FAM107A: variants seen among roughly 807,000 people sequenced by gnomAD.
FAM107A encodes actin-associated protein FAM107A.
FAM107A carries 19 observed loss-of-function variants against 13.7 expected under a neutral mutation model. The ratio of observed to expected loss-of-function variants is 1.38; its 90% confidence interval spans 0.97 to 2.03. The LOEUF (loss-of-function observed/expected upper bound fraction) is 2.03, where lower values mean the gene tolerates loss of function less well. FAM107A is among the 30% of genes most tolerant of loss of function. The probability of loss-of-function intolerance (pLI) is 0.00; values close to 1 mark genes in which losing one functional copy is unlikely to be tolerated. For synonymous variants in FAM107A, 82 were observed against 74.5 expected, an observed-to-expected ratio of 1.10 and a Z score of -0.52; for missense variants, 203 against 184.4, an observed-to-expected ratio of 1.10 and a Z score of -0.58.
chr3:58,570,350 G>C, intron 1 of FAM107A: 2 of 982,676 alleles, frequency 2.0e-6, no homozygotes, highest in Non-Finnish European at 2.4e-6. Flanking sequence ...TCTATCCACA[G>C]TTCCACAACT....
At chr3:58,588,007 C>T (rs985471601), upstream of FAM107A, among the ~76,000 whole-genome samples, 11 of 152,086 alleles carry the variant, frequency 7.2e-5, no homozygotes, top group Admixed American at 1.3e-4. Context: ...GCAGGTGGTC[C>T]GACTACAGAC....
chr3:58,626,336 C>T (rs1575461719), intron 1 of FAM107A, among the ~76,000 whole-genome samples: 1 of 152,202 alleles, frequency 6.6e-6, no homozygotes, highest in African/African-American at 2.4e-5. Flanking sequence ...AGAAACAGTT[C>T]TCAGGCAATG....
At chr3:58,608,516 T>TC (rs1474627942) in intron 1 of FAM107A, among the ~76,000 whole-genome samples, 4 of 152,248 alleles carry the variant, frequency 2.6e-5, no homozygotes, top group Non-Finnish European at 4.4e-5. Flanking sequence ...GCCAGGCAGC[T>TC]CCCCTGGACC....
intron 1 of FAM107A, among the ~76,000 whole-genome samples, chr3:58,575,352 C>T (rs192864560): frequency 6.6e-5 from 10 of 152,250 alleles, no homozygotes; most frequent in Admixed American, 2.6e-4. Context: ...CTTAGCCCAG[C>T]GCCTGGCAGA....
chr3:58,612,077 C>G (rs772443751), intron 1 of FAM107A, among the ~76,000 whole-genome samples: 2 of 152,040 alleles, frequency 1.3e-5, no homozygotes, highest in Non-Finnish European at 2.9e-5. Context: ...TACATGTCCT[C>G]ACATACACAT....
chr3:58,566,501 C>T lies in FAM107A; in HGVS notation c.*87G>A. 2 of 882,964 alleles carry T rather than the reference C, an allele frequency of 2.3e-6. No homozygotes were observed. The highest frequency in any genetic ancestry group is 3.7e-6 in the Non-Finnish European group (2 of 539,154). 54.7% of individuals were successfully genotyped at this position (882,964 alleles called of 1,614,324 possible). A position where few individuals can be genotyped will look rare whatever the true frequency, so the allele number is the denominator to read the frequency against. On this transcript the variant is annotated 3_prime_UTR_variant, in exon 4 of 4. Coordinates refer to ENST00000360997, the MANE Select transcript of FAM107A (RefSeq NM_001076778.3). The stretch of plus-strand genomic sequence containing the variant: ...TGGGAACATCACAGACGTCCCAGGG[C>T]CTGGGGCCCAGGGCTGCCAGGTACA...
At chr3:58,589,333 A>G (rs1344124262), upstream of FAM107A, 1 of 1,056,062 alleles carries the variant, frequency 9.5e-7, no homozygotes, top group African/African-American at 1.6e-5. Context: ...GGGAGGGGTG[A>G]TATATTCACA....
chr3:58,622,449 G>GC (rs34536277), intron 1 of FAM107A, among the ~76,000 whole-genome samples: 41 of 151,788 alleles, frequency 2.7e-4, no homozygotes, highest in African/African-American at 3.4e-4. Context: ...CTACCCCTAT[G>GC]CCCCCCCCAA....
chr3:58,581,343 T>C (rs1428308421), upstream of FAM107A, among the ~76,000 whole-genome samples: 1 of 152,176 alleles, frequency 6.6e-6, no homozygotes, highest in African/African-American at 2.4e-5. Flanking sequence ...TTTTCCTGCA[T>C]CTATAGTGGG....
At chr3:58,588,316 G>A (rs767770507), upstream of FAM107A, among the ~76,000 whole-genome samples, 12 of 152,306 alleles carry the variant, frequency 7.9e-5, no homozygotes, top group African/African-American at 1.9e-4. Context: ...CTCCCTTTGC[G>A]GCCTGTTACC....
chr3:58,618,623 A>G (rs1048796380), intron 1 of FAM107A, among the ~76,000 whole-genome samples: 1 of 152,258 alleles, frequency 6.6e-6, no homozygotes, highest in African/African-American at 2.4e-5. Flanking sequence ...ATTTAAAAAG[A>G]ATTAAAATAA....
At chr3:58,619,565 T>G (rs1014435425) in intron 1 of FAM107A, among the ~76,000 whole-genome samples, 26 of 152,200 alleles carry the variant, frequency 1.7e-4, no homozygotes, top group African/African-American at 5.8e-4. Flanking sequence ...CTGACCTGAT[T>G]AATCCTTCTT....
At chr3:58,591,777 C>G (rs758301433), upstream of FAM107A, among the ~76,000 whole-genome samples, 4 of 152,208 alleles carry the variant, frequency 2.6e-5, no homozygotes, top group Non-Finnish European at 5.9e-5. The surrounding 1 kb of genome is among the most constrained non-coding windows in gnomAD (Gnocchi z 4.3). Context: ...CTTCACCATA[C>G]TGTACTCGCC....
At chr3:58,589,922 C>T (rs927756722), upstream of FAM107A, among the ~76,000 whole-genome samples, 1 of 152,192 alleles carries the variant, frequency 6.6e-6, no homozygotes, top group African/African-American at 2.4e-5. Context: ...TTGGCCTGGA[C>T]TGCCTTCTTC....
At chr3:58,623,086 A>C (rs2065974093) in intron 1 of FAM107A, among the ~76,000 whole-genome samples, 1 of 152,212 alleles carries the variant, frequency 6.6e-6, no homozygotes, top group African/African-American at 2.4e-5. Flanking sequence ...AGCACCAGGC[A>C]GGCCCATCCA....
intron 1 of FAM107A, among the ~76,000 whole-genome samples, chr3:58,585,815 T>C (rs2065599587): frequency 6.6e-6 from 1 of 152,224 alleles, no homozygotes; most frequent in Non-Finnish European, 1.5e-5. Context: ...GCTTTCTCTT[T>C]TTTTCCCCCC....
At chr3:58,586,834 G>T (rs1463312814) in intron 1 of FAM107A, 12 of 1,519,744 alleles carry the variant, frequency 7.9e-6, no homozygotes. Flanking sequence ...TTCCCGCGGC[G>T]AGGGTGGCGT....
chr3:58,611,962 G>T (rs1239639792), intron 1 of FAM107A, among the ~76,000 whole-genome samples: 2 of 151,768 alleles, frequency 1.3e-5, no homozygotes, highest in Non-Finnish European at 2.9e-5. Context: ...GCAGATTGTG[G>T]TTTTTTTTCT....
intron 1 of FAM107A, among the ~76,000 whole-genome samples, chr3:58,625,967 C>G (rs2066010836): frequency 6.6e-6 from 1 of 152,198 alleles, no homozygotes; most frequent in Non-Finnish European, 1.5e-5. Flanking sequence ...GGGTAGCACA[C>G]TGAGCACTTC....
Sources: allele counts gnomAD v4.1 joint callset (sites outside exome capture counted in the v4.1 genomes callset), GRCh38; gene constraint gnomAD v4.1.1; non-coding constraint Gnocchi (gnomAD v3.1); transcripts MANE v1.5; gene names NCBI Gene and HGNC (gene_info 2026-07-23, HGNC 2026-07-21).